The following NEB variants were observed in gnomAD, a reference collection of about 807,000 sequenced individuals.
The protein encoded by NEB is nebulin.
NEB carries 512 observed loss-of-function variants against 952.2 expected under a neutral mutation model. That is an observed-to-expected ratio of 0.54 (90% CI 0.50 to 0.58). The LOEUF (loss-of-function observed/expected upper bound fraction) is 0.58, where lower values mean the gene tolerates loss of function less well. Among genes scored for constraint, NEB ranks in the 20% least tolerant of loss-of-function variants. The pLI, the probability that NEB is intolerant of heterozygous loss-of-function variation, is 0.00. For synonymous variants in NEB, 2,900 were observed against 3,149.8 expected, an observed-to-expected ratio of 0.92 and a Z score of 2.66; for missense variants, 8,428 against 9,231.1, an observed-to-expected ratio of 0.91 and a Z score of 3.56.
chr2:151,665,224 C>T (rs1244759158), intron 42 of NEB, 109 bp downstream of exon 42: 19 of 1,047,740 alleles, frequency 1.8e-5, no homozygotes, highest in Admixed American at 4.5e-5. Flanking sequence ...ACCACCGGCA[C>T]GAAGACGATC....
At chr2:151,732,963 A>C (rs2099812518) in intron 3 of NEB, among the ~76,000 whole-genome samples, 158 bp downstream of exon 3, 2 of 152,210 alleles carry the variant, frequency 1.3e-5, no homozygotes, top group Non-Finnish European at 2.9e-5. Context: ...AATTATAGTG[A>C]AACTGAACAT....
chr2:151,610,937 A>G, intron 78 of NEB, 71 bp from the exon 79 acceptor site: 1 of 920,160 alleles, frequency 1.1e-6, no homozygotes, highest in Non-Finnish European at 1.6e-6. Context: ...AGCCAATAAC[A>G]TCATTACAGT....
chr2:151,543,679 G>T (rs1385940760), intron 135 of NEB, among the ~76,000 whole-genome samples: 1 of 152,112 alleles, frequency 6.6e-6, no homozygotes, highest in African/African-American at 2.4e-5. Flanking sequence ...TAGAGACGGG[G>T]TCTCACTATA....
intron 36 of NEB, among the ~76,000 whole-genome samples, chr2:151,673,088 T>C (rs1047801622): frequency 6.6e-6 from 1 of 152,240 alleles, no homozygotes; most frequent in African/African-American, 2.4e-5. Context: ...GGGCCTTCAC[T>C]GACTCCTTTT....
intron 28 of NEB, among the ~76,000 whole-genome samples, chr2:151,683,990 A>G (rs2099459050): frequency 6.6e-6 from 1 of 152,222 alleles, no homozygotes; most frequent in African/African-American, 2.4e-5. Flanking sequence ...GTATGACTTT[A>G]CATATATGAG....
Position 151,655,260 on chromosome 2 carries a change from A to G in NEB, c.6807+10T>C, listed in dbSNP as rs375723456. The G allele has an allele frequency of 1.4e-4, 197 of 1,443,988 alleles. 1 individual carries two copies. The highest frequency in any genetic ancestry group is 2.8e-4 in the Admixed American group (15 of 52,816). 89.4% of individuals were successfully genotyped at this position (1,443,988 alleles called of 1,614,324 possible). A position where few individuals can be genotyped will look rare whatever the true frequency, so the allele number is the denominator to read the frequency against. The stretch of plus-strand genomic sequence containing the variant: ...TACAAAACTTAAAATTAATTTTTAT[A>G]TAAATTTACCTGACTATACAGTGTT... On this transcript the variant is annotated intron_variant, in intron 51 of 181. Transcript: ENST00000397345.
rs768782020 is a variant in NEB, at chr2:151,672,647, C to T, written c.4021G>A (p.Gly1341Arg). The T allele has an allele frequency of 6.2e-7, 1 of 1,613,742 alleles. No homozygotes were observed. ...AGGCTTCTGAAACCCACATGCTTTC[C>T]CTTTGACTTCTCATAAGCTTCCTTG... ...KYKEAYEKSK[G>R]KHVGFRSLQD... The change falls in exon 37 of 182, where the codon GGA (glycine) becomes AGA (arginine). Residue 1341 changes from glycine to arginine, a missense_variant. Coordinates refer to ENST00000397345, the MANE Select transcript of NEB (RefSeq NM_001164508.2).
chr2:151,636,153 C>A lies in NEB; in HGVS notation c.9102+74G>T, dbSNP rs893379971. On this transcript the variant is annotated intron_variant, in intron 64 of 181. Transcript: ENST00000397345. ...TATTTTCAAAGGTCCAGGAAAAGTT[C>A]TTTTCTAAGATTTAGTTCAGTGAAA... 20 of 1,299,234 alleles carry A rather than the reference C, an allele frequency of 1.5e-5. No homozygotes were observed. The East Asian group carries it at 4.1e-4, about 27-fold the overall frequency. The allele number at this position is 1,299,234 out of a possible 1,614,324, so 80.5% of individuals were successfully genotyped here.
At chr2:151,492,658 C>G (rs1485074653) in intron 176 of NEB, 164 bp from the exon 177 acceptor site, 1 of 427,354 alleles carries the variant, frequency 2.3e-6, no homozygotes, top group Non-Finnish European at 4.1e-6. Context: ...ATCTGGGGAC[C>G]AGAAGGGCCC....
At chr2:151,538,357 G>A in intron 138 of NEB, 113 bp from the exon 139 acceptor site, 1 of 781,916 alleles carries the variant, frequency 1.3e-6, no homozygotes, top group South Asian at 1.7e-5. Context: ...AATACATTTA[G>A]GAAAAATTTA....
intron 27 of NEB, among the ~76,000 whole-genome samples, chr2:151,686,409 G>T (rs1253274411): frequency 6.6e-6 from 1 of 152,108 alleles, no homozygotes; most frequent in East Asian, 1.9e-4. Context: ...TCTGTGATAG[G>T]AATAAAAACA....
At chr2:151,513,421 T>G (rs2075862543) in intron 160 of NEB, among the ~76,000 whole-genome samples, 159 bp downstream of exon 160, 1 of 152,224 alleles carries the variant, frequency 6.6e-6, no homozygotes, top group Non-Finnish European at 1.5e-5. Context: ...CAAAGGGTCC[T>G]CCATCCTTTC....
At position 151,493,458 on chromosome 2, in the gene NEB, A is replaced by G; in HGVS notation, c.24673-13T>C. 6.5e-7 allele frequency: 1 copy of G among 1,541,726 alleles called. No homozygotes were observed. On this transcript the variant is annotated splice_polypyrimidine_tract_variant and intron_variant, in intron 175 of 181. Coordinates refer to ENST00000397345, the MANE Select transcript of NEB (RefSeq NM_001164508.2). The stretch of plus-strand genomic sequence containing the variant: ...CTTTGTACAATACCTAGGGAAGCCA[A>G]AAGAGCATCTAGGCATCAGACAGCA...
intron 144 of NEB, among the ~76,000 whole-genome samples, 153 bp downstream of exon 144, chr2:151,531,639 G>A (rs2091080289): frequency 6.6e-6 from 1 of 151,968 alleles, no homozygotes; most frequent in South Asian, 2.1e-4. Context: ...TATTGGGGAG[G>A]AGAATCCTGT....
At chr2:151,650,510 C>T in intron 53 of NEB, 64 bp downstream of exon 53, 3 of 1,490,800 alleles carry the variant, frequency 2.0e-6, no homozygotes, top group Non-Finnish European at 2.7e-6. Flanking sequence ...TTCTCTTTGA[C>T]TAAATAGCTA....
chr2:151,521,053 C>T (rs928709618), intron 153 of NEB, among the ~76,000 whole-genome samples: 4 of 152,080 alleles, frequency 2.6e-5, no homozygotes, highest in Non-Finnish European at 5.9e-5. Flanking sequence ...TGTTAGCCAA[C>T]CAAAAGGGCA....
intron 169 of NEB, among the ~76,000 whole-genome samples, chr2:151,498,807 AAGTC>A (rs1391137492): frequency 2.6e-5 from 4 of 152,308 alleles, no homozygotes; most frequent in East Asian, 1.9e-4. Context: ...CTTTCAAAAG[AAGTC>A]AGAGTATTTA....
intron 77 of NEB, 77 bp downstream of exon 77, chr2:151,614,199 C>T: frequency 6.6e-7 from 1 of 1,524,196 alleles, no homozygotes; most frequent in Non-Finnish European, 8.9e-7. Flanking sequence ...TTTCACCAGA[C>T]TGTGGAAAGA....
intron 154 of NEB, among the ~76,000 whole-genome samples, chr2:151,519,451 A>G (rs933826181): frequency 2.6e-5 from 4 of 152,214 alleles, no homozygotes; most frequent in Non-Finnish European, 5.9e-5. Flanking sequence ...AAAAGTAGAT[A>G]AGAGGTTCCC....
Sources: gnomAD v4.1 joint callset for allele counts (sites outside exome capture counted in the v4.1 genomes callset) on GRCh38, gnomAD v4.1.1 for gene constraint, MANE v1.5 for transcripts, NCBI Gene and HGNC (gene_info 2026-07-23, HGNC 2026-07-21) for gene names.